DNAH14: variants seen among roughly 807,000 people sequenced by gnomAD.
DNAH14 encodes dynein axonemal heavy chain 14, also known as axonemal beta dynein heavy chain 14.
In DNAH14, 478 loss-of-function variants were observed where a neutral mutation model predicts 520.9. The observed-to-expected ratio is 0.92, with a 90% CI of 0.85 to 0.99. The LOEUF (loss-of-function observed/expected upper bound fraction) is 0.99. DNAH14 is among the 50% of genes least tolerant of loss of function. DNAH14 has a pLI of 0.00. For synonymous variants in DNAH14, 1,581 were observed against 1,757.2 expected (o/e 0.90, Z 2.51); for missense variants, 4,831 against 5,234.5 (o/e 0.92, Z 2.38).
Position 225,147,125 on chromosome 1 carries a change from G to A in DNAH14, c.4816G>A (p.Gly1606Arg). Residue 1606 changes from glycine to arginine, a missense_variant, in exon 31 of 86, where the codon GGA becomes AGA. Gly to Arg is a moderately radical substitution (Grantham distance 125). Transcript: ENST00000682510. ...DYKIVRKFFF[G>R]LVQSGAWSCF... is the part of the protein sequence containing the mutation. Reference sequence around the variant, plus strand: ...AAAGATAGTGAGAAAATTTTTCTTTGGACTAGTTCAGTCAGGAGCATGGAG... The same window carrying A: ...AAAGATAGTGAGAAAATTTTTCTTTAGACTAGTTCAGTCAGGAGCATGGAG... 6.6e-7 allele frequency: 1 copy of A among 1,519,034 alleles called. No individual in the cohort carries two copies. 94.1% of individuals were successfully genotyped at this position (1,519,034 alleles called of 1,614,324 possible). A position where few individuals can be genotyped will look rare whatever the true frequency, so the allele number is the denominator to read the frequency against.
At chr1:224,957,022 A>C (rs1048873567) in intron 3 of DNAH14, among the ~76,000 whole-genome samples, 4 of 152,150 alleles carry the variant, frequency 2.6e-5, no homozygotes, top group African/African-American at 9.7e-5. Context: ...GAGCCGTGGA[A>C]AGGTTCTAAG....
At chr1:225,084,226 A>T (rs2073476091) in intron 20 of DNAH14, among the ~76,000 whole-genome samples, 1 of 152,108 alleles carries the variant, frequency 6.6e-6, no homozygotes, top group South Asian at 2.1e-4. Flanking sequence ...AGATAATTAT[A>T]ATAATAGAAG....
chr1:225,039,864 C>A (rs2067299027), intron 12 of DNAH14, among the ~76,000 whole-genome samples: 1 of 68,536 alleles, frequency 1.5e-5, no homozygotes, highest in Non-Finnish European at 2.7e-5. Context: ...GGCGACAGAG[C>A]GAGACTCCGT....
rs751572138 is a variant in DNAH14 at position 225,303,328 on chromosome 1, T to C, written c.8804T>C (p.Val2935Ala). The change falls in exon 57 of 86, where the codon GTC (valine) becomes GCC (alanine). Residue 2935 changes from valine (V) to alanine (A), a missense_variant. Transcript: ENST00000682510. ...IVANSFLKEKVNFENRENLKE... is the reference protein window; with the variant it reads ...IVANSFLKEKANFENRENLKE... ...GCTAACTCATTCTTAAAAGAAAAGG[T>C]CAATTTTGAGAACAGAGAGGTAAAT... The C allele has an allele frequency of 2.6e-6, 4 of 1,544,980 alleles. No individual in the cohort carries two copies. The Admixed American group carries it at 8.1e-5, about 31-fold the overall frequency.
intron 38 of DNAH14, among the ~76,000 whole-genome samples, chr1:225,202,547 G>A (rs367859544): frequency 2.2e-4 from 34 of 152,196 alleles, no homozygotes; most frequent in South Asian, 1.2e-3. Flanking sequence ...CTGTGTCCCC[G>A]CAATAGCACC....
intron 76 of DNAH14, among the ~76,000 whole-genome samples, chr1:225,366,724 G>A (rs1322372549): frequency 6.6e-6 from 1 of 152,076 alleles, no homozygotes; most frequent in Non-Finnish European, 1.5e-5. Context: ...TCCATCTCCT[G>A]GAGCCACTTA....
intron 37 of DNAH14, among the ~76,000 whole-genome samples, chr1:225,192,012 T>C (rs2085503982): frequency 6.6e-6 from 1 of 152,106 alleles, no homozygotes; most frequent in African/African-American, 2.4e-5. Context: ...CTGGGCCTGC[T>C]CTGAGTCTAG....
chr1:225,279,560 G>A (rs1459628522), intron 54 of DNAH14, among the ~76,000 whole-genome samples: 1 of 152,062 alleles, frequency 6.6e-6, no homozygotes, highest in African/African-American at 2.4e-5. Flanking sequence ...CAGTAAAAAA[G>A]TAAAAGAAGA....
intron 36 of DNAH14, among the ~76,000 whole-genome samples, chr1:225,175,758 C>T (rs569423148): frequency 2.5e-4 from 34 of 134,518 alleles, no homozygotes; most frequent in Admixed American, 7.3e-4. Context: ...AACTAGAGTG[C>T]ACTGGTGCGA....
At chr1:225,181,079 T>C (rs2083936648) in intron 36 of DNAH14, among the ~76,000 whole-genome samples, 1 of 152,224 alleles carries the variant, frequency 6.6e-6, no homozygotes, top group Non-Finnish European at 1.5e-5. Context: ...ACTTGTGATA[T>C]TTGATTTTCC....
At chr1:225,203,004 A>T (rs1473183317) in intron 38 of DNAH14, among the ~76,000 whole-genome samples, 1 of 152,168 alleles carries the variant, frequency 6.6e-6, no homozygotes, top group Non-Finnish European at 1.5e-5. Context: ...TTGGGGGTGG[A>T]TGATCCCCCT....
intron 54 of DNAH14, among the ~76,000 whole-genome samples, chr1:225,279,768 A>G (rs1272009784): frequency 6.6e-6 from 1 of 152,054 alleles, no homozygotes; most frequent in Non-Finnish European, 1.5e-5. Flanking sequence ...ACATGAAAAC[A>G]GATAGGGAAG....
At chr1:224,940,539 A>G (rs2059346108) in intron 1 of DNAH14, among the ~76,000 whole-genome samples, 1 of 152,000 alleles carries the variant, frequency 6.6e-6, no homozygotes, top group Non-Finnish European at 1.5e-5. Context: ...TTTTTATTAT[A>G]CTTTAAGTTT....
At chr1:225,283,292 G>A (rs908753654) in intron 54 of DNAH14, among the ~76,000 whole-genome samples, 2 of 151,952 alleles carry the variant, frequency 1.3e-5, no homozygotes, top group South Asian at 2.1e-4. Context: ...AAAGCCACAC[G>A]TTAGATTCAA....
At chr1:225,024,112 A>G (rs544819968) in intron 11 of DNAH14, 1 of 1,057,584 alleles carries the variant, frequency 9.5e-7, no homozygotes, top group South Asian at 4.5e-5. Flanking sequence ...GTATACTTCA[A>G]GTATTACCTA....
intron 11 of DNAH14, among the ~76,000 whole-genome samples, chr1:225,026,468 A>G (rs1038526154): frequency 7.2e-5 from 11 of 152,072 alleles, no homozygotes; most frequent in Non-Finnish European, 1.6e-4. Context: ...CTTCTTTTGT[A>G]TACGAATATC....
intron 11 of DNAH14, among the ~76,000 whole-genome samples, chr1:225,037,808 G>A (rs1048992997): frequency 6.6e-6 from 1 of 152,024 alleles, no homozygotes; most frequent in Non-Finnish European, 1.5e-5. Flanking sequence ...TCAGCCTCCC[G>A]AGTAGCTGAG....
rs1256858396 is a variant in DNAH14 at position 225,351,753 on chromosome 1, C to T, written c.11403C>T (p.Cys3801=). 1 of 1,551,336 alleles carries T rather than the reference C, an allele frequency of 6.4e-7. No homozygotes were observed. Among genetic ancestry groups the T allele is most frequent in the East Asian group, 2.4e-5 (1 of 40,912 alleles). The change falls in exon 72 of 86, where the codon TGC becomes TGT. Residue 3801 remains cysteine, a synonymous_variant. Coordinates refer to ENST00000682510, the MANE Select transcript of DNAH14 (RefSeq NM_001367479.1). Reference sequence around the variant, plus strand: ...ACCTGGAACCATTTTCACTTCTGTGCAAATCCCTTTTATCAAACGTATCAC... The same window carrying T: ...ACCTGGAACCATTTTCACTTCTGTGTAAATCCCTTTTATCAAACGTATCAC... ...STHLEPFSLL[C]KSLLSNVSQW...
At chr1:225,150,899 T>C (rs2080441964) in intron 31 of DNAH14, among the ~76,000 whole-genome samples, 1 of 151,856 alleles carries the variant, frequency 6.6e-6, no homozygotes, top group South Asian at 2.1e-4. Context: ...TTAGTAGAGG[T>C]GGGGTTTTAC....
Sources: gnomAD v4.1 joint callset for allele counts (sites outside exome capture counted in the v4.1 genomes callset) on GRCh38, gnomAD v4.1.1 for gene constraint, MANE v1.5 for transcripts, NCBI Gene and HGNC (gene_info 2026-07-23, HGNC 2026-07-21) for gene names.